Variants in ITPR1 observed in about 807,000 individuals in gnomAD.
ITPR1 encodes inositol 1,4,5-trisphosphate-gated calcium channel ITPR1.
Under a neutral mutation model 318.4 loss-of-function variants are expected in ITPR1, and 96 were observed. The observed-to-expected ratio is 0.30, with a 90% CI of 0.26 to 0.36. The LOEUF is 0.36. Among genes scored for constraint, ITPR1 ranks in the 10% least tolerant of loss-of-function variants. The pLI, the probability that ITPR1 is intolerant of heterozygous loss-of-function variation, is 1.00. For synonymous variants in ITPR1, 1,312 were observed against 1,289.9 expected (o/e 1.02, Z -0.37); for missense variants, 2,440 against 3,460.2 (o/e 0.71, Z 7.40).
chr3:4,552,603 G>A (rs1178501632), intron 4 of ITPR1, among the ~76,000 whole-genome samples: 1 of 152,204 alleles, frequency 6.6e-6, no homozygotes, highest in Non-Finnish European at 1.5e-5. Context: ...TCACCATCTT[G>A]TCTGCCTCCA....
At chr3:4,526,251 G>A (rs2082968490) in intron 4 of ITPR1, among the ~76,000 whole-genome samples, 1 of 152,182 alleles carries the variant, frequency 6.6e-6, no homozygotes, top group African/African-American at 2.4e-5. Context: ...TTCAAAATGA[G>A]GAGAAGTTGG....
chr3:4,821,452 G>C (rs1274892389), intron 60 of ITPR1, among the ~76,000 whole-genome samples: 2 of 152,242 alleles, frequency 1.3e-5, no homozygotes, highest in East Asian at 3.8e-4. Flanking sequence ...GCAGACAGCA[G>C]CATCAGGGAT....
At chr3:4,671,968 A>G (rs1030266116) in intron 20 of ITPR1, among the ~76,000 whole-genome samples, 3 of 152,242 alleles carry the variant, frequency 2.0e-5, no homozygotes, top group African/African-American at 4.8e-5. Flanking sequence ...TATTTATTCA[A>G]TACGGGTACT....
chr3:4,511,532 A>G (rs938521766), intron 2 of ITPR1, among the ~76,000 whole-genome samples: 3 of 152,222 alleles, frequency 2.0e-5, no homozygotes, highest in African/African-American at 7.2e-5. Flanking sequence ...GCGGTCTGAT[A>G]GTACTATTAT....
At chr3:4,742,210 C>G (rs190933902) in intron 44 of ITPR1, among the ~76,000 whole-genome samples, 3 of 152,302 alleles carry the variant, frequency 2.0e-5, no homozygotes, top group Admixed American at 6.5e-5. Context: ...GGAATTCCAG[C>G]TCTGCCCCTG....
At chr3:4,515,369 G>T (rs1177861434) in intron 2 of ITPR1, among the ~76,000 whole-genome samples, 1 of 152,086 alleles carries the variant, frequency 6.6e-6, no homozygotes, top group Non-Finnish European at 1.5e-5. Flanking sequence ...TGGGGTAAAT[G>T]GCTTCTGGAA....
intron 4 of ITPR1, among the ~76,000 whole-genome samples, chr3:4,589,742 C>T (rs1246757448): frequency 6.6e-6 from 1 of 150,580 alleles, no homozygotes; most frequent in Non-Finnish European, 1.5e-5. Flanking sequence ...GATGACTGCT[C>T]ATTAAGATTA....
intron 30 of ITPR1, among the ~76,000 whole-genome samples, chr3:4,686,222 G>A (rs999086547): frequency 1.3e-5 from 2 of 152,180 alleles, no homozygotes; most frequent in Non-Finnish European, 2.9e-5. Flanking sequence ...GGGGCCTGCT[G>A]CCTTCCCTAT....
chr3:4,673,187 C>G lies in ITPR1; in HGVS notation c.2256C>G (p.Ala752=). The change falls in exon 21 of 62, where the codon GCC becomes GCG. Residue 752 remains alanine, a synonymous_variant. Coordinates refer to ENST00000649015, the MANE Select transcript of ITPR1 (RefSeq NM_001378452.1). ...ARMCLDRQYL[A]INEISGQLDV... ...TGTGTCTGGACCGCCAATACCTGGC[C>G]ATCAACGAAATCTCAGGCCAGCTGG... The G allele has an allele frequency of 6.2e-7, 1 of 1,613,898 alleles. No homozygotes were observed. The highest frequency in any genetic ancestry group is 8.5e-7 in the Non-Finnish European group (1 of 1,179,830).
At position 4,779,721 on chromosome 3, in the gene ITPR1, T is replaced by TCTG; in HGVS notation, c.6387+76_6387+77insCTG. 7 of 1,008,282 alleles carry TCTG rather than the reference T, an allele frequency of 6.9e-6. No individual in the cohort carries two copies. The highest frequency in any genetic ancestry group is 9.2e-6 in the Non-Finnish European group (6 of 650,012). 62.5% of individuals were successfully genotyped at this position (1,008,282 alleles called of 1,614,324 possible). A position where few individuals can be genotyped will look rare whatever the true frequency, so the allele number is the denominator to read the frequency against. ...ATTTGGGACAGAGCAGAGGATCTGC[T>TCTG]TCCTGGAGCTTTCTTGAAGGTTCCC... On this transcript the variant is annotated intron_variant, in intron 49 of 61. Coordinates refer to ENST00000649015, the MANE Select transcript of ITPR1 (RefSeq NM_001378452.1). This position sits in a 1 kb window ranked among gnomAD's most constrained non-coding sequence, Gnocchi z 4.0.
chr3:4,574,302 G>A (rs989426039), intron 4 of ITPR1, among the ~76,000 whole-genome samples: 1 of 151,108 alleles, frequency 6.6e-6, no homozygotes, highest in African/African-American at 2.4e-5. Flanking sequence ...CCTGAGTCTT[G>A]GCTGCTCCTT....
chr3:4,675,285 C>T, intron 23 of ITPR1, 37 bp downstream of exon 23: 5 of 1,474,358 alleles, frequency 3.4e-6, no homozygotes, highest in Non-Finnish European at 4.7e-6. Flanking sequence ...CTGAGAGATG[C>T]CCTCCAGCCT....
rs769969678 is a variant in ITPR1 at position 4,766,702 on chromosome 3, G to A, written c.5717G>A (p.Arg1906Gln). 1.1e-5 allele frequency: 18 copies of A among 1,591,540 alleles called. No individual in the cohort carries two copies. The highest frequency in any genetic ancestry group is 3.6e-5 in the Admixed American group (2 of 55,656). ...GAGGTAGACAGGGATGCCCCATCAC[G>A]GAAAAAAGGTAAATGTTCCTCAGTC... ...DDEVDRDAPSRKKAKEPTTQI... is the reference protein window; with the variant it reads ...DDEVDRDAPSQKKAKEPTTQI... The change falls in exon 45 of 62, where the codon CGG (arginine) becomes CAG (glutamine). Residue 1906 changes from arginine (R) to glutamine (Q), a missense_variant. Physicochemically the swap from Arg to Gln is conservative, Grantham distance 43 (BLOSUM62 1). This residue lies in a region of ITPR1 where 113 missense variants were observed against 103.6 expected (regional missense o/e 1.09). Transcript: ENST00000649015.
At position 4,506,013 on chromosome 3, in the gene ITPR1, A is replaced by G. The variant is rs190591914; in HGVS notation, c.-16-10463A>G. ...TTAGAAAGTAGAATTATAACAGCCA[A>G]TAGGAATGCTTCCTCCGTCCCCCTT... On this transcript the variant is annotated intron_variant, in intron 2 of 61. Transcript: ENST00000649015. 1.2e-4 allele frequency among the ~76,000 whole-genome samples: 18 copies of G among 152,356 alleles called. 1 individual carries two copies. Among genetic ancestry groups the G allele is most frequent in the African/African-American group, 4.1e-4 (17 of 41,586 alleles).
intron 44 of ITPR1, among the ~76,000 whole-genome samples, chr3:4,760,154 C>T (rs975067642): frequency 7.2e-5 from 11 of 152,260 alleles, no homozygotes; most frequent in African/African-American, 2.2e-4. Context: ...ACTGACCTCT[C>T]CTAACCCCAG....
chr3:4,589,689 C>A (rs1462745081), intron 4 of ITPR1, among the ~76,000 whole-genome samples: 1 of 152,046 alleles, frequency 6.6e-6, no homozygotes, highest in African/African-American at 2.4e-5. Context: ...TAACCAGCCT[C>A]CCACCTCATG....
intron 2 of ITPR1, among the ~76,000 whole-genome samples, chr3:4,500,212 T>G (rs1354694600): frequency 6.6e-6 from 1 of 152,206 alleles, no homozygotes; most frequent in Admixed American, 6.5e-5. Flanking sequence ...TTTGTTTTGT[T>G]TTTTTGAGAC....
intron 4 of ITPR1, among the ~76,000 whole-genome samples, chr3:4,626,488 A>G (rs185145139): frequency 7.6e-4 from 116 of 152,242 alleles, no homozygotes; most frequent in Non-Finnish European, 7.1e-4. Context: ...TTGCTTTACA[A>G]GAGCTCTAAG....
chr3:4,546,110 C>G (rs562706239), intron 4 of ITPR1, among the ~76,000 whole-genome samples: 10 of 152,270 alleles, frequency 6.6e-5, no homozygotes, highest in African/African-American at 2.4e-4. Flanking sequence ...GAGACAACGT[C>G]AGGTACATTT....
Sources: allele counts gnomAD v4.1 joint callset (sites outside exome capture counted in the v4.1 genomes callset), GRCh38; gene constraint gnomAD v4.1.1; regional missense constraint gnomAD v4.1.1; non-coding constraint Gnocchi (gnomAD v3.1); transcripts MANE v1.5; gene names NCBI Gene and HGNC (gene_info 2026-07-23, HGNC 2026-07-21).